Variants in CTNNA3 observed in about 807,000 individuals in gnomAD.
The protein encoded by CTNNA3 is catenin alpha 3.
Under a neutral mutation model 95.7 loss-of-function variants are expected in CTNNA3, and 76 were observed. The ratio of observed to expected loss-of-function variants is 0.79; its 90% CI spans 0.66 to 0.96. CTNNA3 has a LOEUF of 0.96. Among genes scored for constraint, CTNNA3 ranks in the 40% least tolerant of loss-of-function variants. The probability of loss-of-function intolerance (pLI) is 0.00; values close to 1 mark genes in which losing one functional copy is unlikely to be tolerated. For synonymous variants in CTNNA3, 431 were observed against 374.4 expected (o/e 1.15, Z -1.74); for missense variants, 1,191 against 1,089.8 (o/e 1.09, Z -1.31).
intron 3 of CTNNA3, among the ~76,000 whole-genome samples, chr10:67,554,539 G>C (rs1841161525): frequency 6.6e-6 from 1 of 152,150 alleles, no homozygotes; most frequent in Non-Finnish European, 1.5e-5. Context: ...GTGTCTGTTG[G>C]CTGCATAAAT....
At chr10:67,018,891 T>C (rs1297122444) in intron 7 of CTNNA3, among the ~76,000 whole-genome samples, 2 of 152,194 alleles carry the variant, frequency 1.3e-5, no homozygotes, top group East Asian at 1.9e-4. Context: ...GCAGATGAAA[T>C]GGAAAACACT....
At chr10:66,391,990 CAG>C (rs2092937045) in intron 11 of CTNNA3, among the ~76,000 whole-genome samples, 1 of 152,040 alleles carries the variant, frequency 6.6e-6, no homozygotes, top group African/African-American at 2.4e-5. Context: ...TGTAAGATAA[CAG>C]AGGAGAAACT....
chr10:67,046,607 C>T (rs893607022), intron 7 of CTNNA3, among the ~76,000 whole-genome samples: 2 of 151,642 alleles, frequency 1.3e-5, no homozygotes, highest in African/African-American at 2.4e-5. Context: ...TCTTCACCAC[C>T]GTAATAAGAC....
At chr10:66,696,171 G>A (rs1411064750) in intron 9 of CTNNA3, among the ~76,000 whole-genome samples, 1 of 152,096 alleles carries the variant, frequency 6.6e-6, no homozygotes, top group Non-Finnish European at 1.5e-5. Context: ...AAAACCAATA[G>A]TTATATGAAT....
At chr10:66,425,796 T>C (rs959972664) in intron 11 of CTNNA3, among the ~76,000 whole-genome samples, 1 of 152,026 alleles carries the variant, frequency 6.6e-6, no homozygotes, top group Non-Finnish European at 1.5e-5. Flanking sequence ...TGTACTGCTC[T>C]ATAAACTTTC....
rs547814311 is a variant in CTNNA3, at chr10:67,723,509, G to A, written c.-2+39925C>T. ...GGGTTTCACCACATTGCCTAAGCTGGTTTCAAACTCCTGAGCTCAAGCAAT... is the reference window on the plus strand; with the variant it reads ...GGGTTTCACCACATTGCCTAAGCTGATTTCAAACTCCTGAGCTCAAGCAAT... On this transcript the variant is annotated intron_variant, in intron 1 of 17. Coordinates refer to the CTNNA3 transcript ENST00000684154. 1.7e-4 allele frequency among the ~76,000 whole-genome samples: 26 copies of A among 152,050 alleles called. 1 individual carries two copies. Among genetic ancestry groups the A allele is most frequent in the Non-Finnish European group, 3.8e-4 (26 of 67,974 alleles).
At chr10:67,477,537 C>G (rs1006831434) in intron 5 of CTNNA3, among the ~76,000 whole-genome samples, 7 of 152,106 alleles carry the variant, frequency 4.6e-5, no homozygotes, top group African/African-American at 1.7e-4. Flanking sequence ...CAATACAAAA[C>G]CTGCCAGTAA....
At chr10:66,995,028 A>C (rs976370154) in intron 7 of CTNNA3, among the ~76,000 whole-genome samples, 4 of 152,140 alleles carry the variant, frequency 2.6e-5, no homozygotes, top group African/African-American at 9.7e-5. Context: ...TCTCATTCCA[A>C]GTATATGCTA....
At chr10:66,134,589 A>C (rs1489474107) in intron 13 of CTNNA3, among the ~76,000 whole-genome samples, 3 of 152,098 alleles carry the variant, frequency 2.0e-5, no homozygotes, top group Non-Finnish European at 4.4e-5. Flanking sequence ...TGAAAGAAGG[A>C]AATTTAAGAA....
chr10:66,644,258 C>T (rs1357483798), intron 9 of CTNNA3, among the ~76,000 whole-genome samples: 7 of 124,540 alleles, frequency 5.6e-5, no homozygotes, highest in African/African-American at 2.7e-4. Flanking sequence ...GAGACTTGGT[C>T]TCTCTGTCTG....
intron 5 of CTNNA3, among the ~76,000 whole-genome samples, chr10:67,269,662 A>C (rs1838875242): frequency 1.3e-5 from 2 of 152,180 alleles, no homozygotes; most frequent in South Asian, 2.1e-4. Context: ...AAAAAAATGC[A>C]AATAATTAAG....
At chr10:66,749,829 C>T (rs1211551759) in intron 9 of CTNNA3, among the ~76,000 whole-genome samples, 1 of 152,218 alleles carries the variant, frequency 6.6e-6, no homozygotes, top group African/African-American at 2.4e-5. Flanking sequence ...ATTGCATTCC[C>T]ACCAGCAATG....
intron 5 of CTNNA3, among the ~76,000 whole-genome samples, chr10:67,358,656 C>T (rs1842898277): frequency 1.3e-5 from 2 of 152,066 alleles, no homozygotes; most frequent in South Asian, 4.1e-4. Context: ...ACTACATCAA[C>T]AGACCACCCA....
intron 13 of CTNNA3, among the ~76,000 whole-genome samples, chr10:66,256,443 G>A (rs1322373283): frequency 2.0e-5 from 3 of 152,186 alleles, no homozygotes; most frequent in Non-Finnish European, 4.4e-5. Context: ...AGGTGCTTGG[G>A]GCGCGGTGGC....
chr10:67,103,363 A>G (rs1376250675), intron 7 of CTNNA3, among the ~76,000 whole-genome samples: 3 of 151,848 alleles, frequency 2.0e-5, no homozygotes, highest in East Asian at 3.9e-4. Context: ...TTGTTTATAG[A>G]TTTTATTCCC....
chr10:66,995,306 G>T (rs984610663), intron 7 of CTNNA3, among the ~76,000 whole-genome samples: 1 of 151,986 alleles, frequency 6.6e-6, no homozygotes, highest in African/African-American at 2.4e-5. Flanking sequence ...TATCAAATTG[G>T]TTACCAAGTC....
chr10:66,430,847 G>A (rs1330242328), intron 11 of CTNNA3, among the ~76,000 whole-genome samples: 3 of 152,098 alleles, frequency 2.0e-5, no homozygotes, highest in Non-Finnish European at 4.4e-5. Flanking sequence ...GCATGGGCAA[G>A]GACTTCATGT....
intron 5 of CTNNA3, among the ~76,000 whole-genome samples, chr10:67,519,144 A>T (rs575789377): frequency 6.6e-5 from 10 of 152,290 alleles, no homozygotes; most frequent in Admixed American, 5.2e-4. Flanking sequence ...CTAAGTTCAG[A>T]CCTAGGAAAG....
chr10:66,428,931 CA>C (rs1413982234), intron 11 of CTNNA3, among the ~76,000 whole-genome samples: 1 of 151,840 alleles, frequency 6.6e-6, no homozygotes, highest in East Asian at 1.9e-4. Flanking sequence ...GATAGAGACA[CA>C]AAAAACCCTT....
Sources: gnomAD v4.1 joint callset for allele counts (sites outside exome capture counted in the v4.1 genomes callset) on GRCh38, gnomAD v4.1.1 for gene constraint, MANE v1.5 for transcripts, NCBI Gene and HGNC (gene_info 2026-07-23, HGNC 2026-07-21) for gene names.